Variants in HMCN1 observed in about 807,000 individuals in gnomAD.
HMCN1 encodes hemicentin 1.
Under a neutral mutation model 625.9 loss-of-function variants are expected in HMCN1, and 321 were observed. The observed-to-expected ratio is 0.51, with a 90% CI of 0.47 to 0.56. The LOEUF is 0.56. Ranked by LOEUF, HMCN1 falls within the 20% of genes least tolerant of loss-of-function variation. HMCN1 has a pLI of 0.00. For missense variants in HMCN1, 6,588 were observed against 6,887.3 expected (o/e 0.96, Z 1.54); for synonymous variants, 2,425 against 2,417.6 (o/e 1.00, Z -0.09).
In HMCN1 at chr1:186,086,381, T is replaced by A. The variant is rs1430365051; in HGVS notation, c.9020T>A (p.Leu3007Gln). The change falls in exon 58 of 107, where the codon CTG (leucine) becomes CAG (glutamine). Residue 3007 changes from leucine to glutamine, a missense_variant. Around this residue, in one of 3 missense-constraint regions of HMCN1, gnomAD observed 4,628 missense variants for 4,853.1 expected, o/e 0.95. Transcript: ENST00000271588. Reference sequence around the variant, plus strand: ...CTCAAGAATGAACAGCCCATCAAACTGAACACAAATACTCTCATTGTGCCT... The same window carrying A: ...CTCAAGAATGAACAGCCCATCAAACAGAACACAAATACTCTCATTGTGCCT... ...SWLKNEQPIK[L>Q]NTNTLIVPGG... is the part of the protein sequence containing the mutation. 1 of 1,613,244 alleles carries A rather than the reference T, an allele frequency of 6.2e-7. No homozygotes were observed.
intron 64 of HMCN1, among the ~76,000 whole-genome samples, chr1:186,092,181 A>G (rs1201825842): frequency 6.6e-6 from 1 of 151,812 alleles, no homozygotes; most frequent in Non-Finnish European, 1.5e-5. Flanking sequence ...TTTTATCTTT[A>G]TTATTCATTC....
Position 186,125,807 on chromosome 1 carries a change from G to A in HMCN1, c.12690+13G>A. 2 of 1,595,204 alleles carry A rather than the reference G, an allele frequency of 1.3e-6. No homozygotes were observed. The highest frequency in any genetic ancestry group is 1.1e-5 in the South Asian group (1 of 90,572). ...AGAAAATGTTGTGGTAAGTTTAATG[G>A]ACGTGAACAGATACATTAAGCCAGA... On this transcript the variant is annotated intron_variant, in intron 82 of 106. Coordinates refer to ENST00000271588, the MANE Select transcript of HMCN1 (RefSeq NM_031935.3).
At chr1:186,100,239 T>G (rs1024377220) in intron 68 of HMCN1, among the ~76,000 whole-genome samples, 1 of 152,164 alleles carries the variant, frequency 6.6e-6, no homozygotes, top group Non-Finnish European at 1.5e-5. Context: ...AAAACAGATT[T>G]GAAAACTGGC....
rs1414370753 is a variant in HMCN1, at chr1:185,987,431, G to T, written c.2936-1G>T. 1 of 1,602,060 alleles carries T rather than the reference G, an allele frequency of 6.2e-7. No homozygotes were observed. The highest frequency in any genetic ancestry group is 8.6e-7 in the Non-Finnish European group (1 of 1,169,030). On this transcript the variant is annotated splice_acceptor_variant, in intron 19 of 106. Coordinates refer to ENST00000271588, the MANE Select transcript of HMCN1 (RefSeq NM_031935.3). LOFTEE classifies it high-confidence loss of function. ...ATTCCAAATCCTACTTACCTTTTCA[G>T]TTCTGCCAACCATTCAGCATGGGCA... is the stretch of plus-strand genomic sequence containing the variant.
intron 11 of HMCN1, among the ~76,000 whole-genome samples, chr1:185,957,300 ATGTG>A (rs1306060500): frequency 1.3e-5 from 2 of 152,224 alleles, no homozygotes; most frequent in African/African-American, 2.4e-5. Flanking sequence ...TAGAAACAAA[ATGTG>A]AGTGAGTTTT....
chr1:186,068,865 T>C lies in HMCN1; in HGVS notation c.7880-798T>C, dbSNP rs532778098. 1.3e-4 allele frequency among the ~76,000 whole-genome samples: 11 copies of C among 82,122 alleles called. No individual in the cohort carries two copies. The East Asian group carries it at 3.4e-3, about 25-fold the overall frequency. 53.9% of individuals were successfully genotyped at this position (82,122 alleles called of 152,430 possible). A position where few individuals can be genotyped will look rare whatever the true frequency, so the allele number is the denominator to read the frequency against. On this transcript the variant is annotated intron_variant, in intron 50 of 106. Coordinates refer to ENST00000271588, the MANE Select transcript of HMCN1 (RefSeq NM_031935.3). Reference sequence around the variant, plus strand: ...GCCTGGGCAACAGAGCAAGACTCGGTCTCAAAAAAAAAAAAAAAAAAAAAA... The same window carrying C: ...GCCTGGGCAACAGAGCAAGACTCGGCCTCAAAAAAAAAAAAAAAAAAAAAA...
At chr1:186,059,750 G>A (rs1370921173) in intron 46 of HMCN1, among the ~76,000 whole-genome samples, 2 of 151,976 alleles carry the variant, frequency 1.3e-5, no homozygotes. Context: ...GAAGTTATCT[G>A]CCAGAAACAG....
rs569654340 is a variant in HMCN1 at position 185,952,238 on chromosome 1, C to T, written c.1829-10280C>T. ...TGGGCAGGAGGGGGAGGGCTAGTCA[C>T]GGAATGAAACTGTAAGCCGGACCAG... On this transcript the variant is annotated intron_variant, in intron 11 of 106. Transcript: ENST00000271588. 2.0e-5 allele frequency among the ~76,000 whole-genome samples: 3 copies of T among 151,732 alleles called. No individual in the cohort carries two copies. In the East Asian group the frequency reaches 5.8e-4, roughly 29 times the overall value.
At chr1:185,907,704 A>G (rs1452786210) in intron 4 of HMCN1, among the ~76,000 whole-genome samples, 1 of 151,982 alleles carries the variant, frequency 6.6e-6, no homozygotes, top group Non-Finnish European at 1.5e-5. Context: ...ACACTTCAGC[A>G]ATGGCTGAAA....
intron 71 of HMCN1, among the ~76,000 whole-genome samples, chr1:186,110,526 A>G (rs1660826222): frequency 6.6e-6 from 1 of 152,196 alleles, no homozygotes; most frequent in Non-Finnish European, 1.5e-5. Context: ...AGACCTGAGG[A>G]ATGGTTCTTC....
chr1:186,065,865 T>A (rs1658077215), intron 49 of HMCN1, among the ~76,000 whole-genome samples: 1 of 152,194 alleles, frequency 6.6e-6, no homozygotes, highest in South Asian at 2.1e-4. Context: ...CTGGCTTATG[T>A]CTCAGGAAAG....
At chr1:186,132,015 C>T (rs1014530488) in intron 85 of HMCN1, among the ~76,000 whole-genome samples, 2 of 151,946 alleles carry the variant, frequency 1.3e-5, no homozygotes, top group African/African-American at 2.4e-5. Flanking sequence ...AAGATAATTC[C>T]AGATAGATGA....
At chr1:186,182,344 T>C (rs1652987069) in intron 105 of HMCN1, 57 bp downstream of exon 105, 2 of 1,605,352 alleles carry the variant, frequency 1.2e-6, no homozygotes. Flanking sequence ...CAACAGAGAG[T>C]GTGAGAAGTT....
chr1:185,821,201 T>A (rs1341762263), intron 1 of HMCN1, among the ~76,000 whole-genome samples: 1 of 152,116 alleles, frequency 6.6e-6, no homozygotes, highest in Admixed American at 6.6e-5. Context: ...TTTTGGTACA[T>A]GTGCACCTCT....
At chr1:186,154,129 A>G in intron 97 of HMCN1, 142 bp downstream of exon 97, 1 of 720,050 alleles carries the variant, frequency 1.4e-6, no homozygotes, top group African/African-American at 1.8e-5. Context: ...TGTTAAGTAA[A>G]GCCCTATGGA....
chr1:185,888,492 G>A (rs1275469820), intron 4 of HMCN1, among the ~76,000 whole-genome samples: 3 of 142,806 alleles, frequency 2.1e-5, no homozygotes, highest in Non-Finnish European at 3.0e-5. Flanking sequence ...TGTATAAGGT[G>A]TAAGGAAGGG....
chr1:186,156,878 G>T (rs1361871290), intron 97 of HMCN1, among the ~76,000 whole-genome samples: 2 of 152,208 alleles, frequency 1.3e-5, no homozygotes, highest in African/African-American at 4.8e-5. Context: ...TGTTCTAGGT[G>T]TTGACAGCAT....
intron 93 of HMCN1, among the ~76,000 whole-genome samples, chr1:186,147,523 T>C (rs1321438557): frequency 6.6e-6 from 1 of 152,104 alleles, no homozygotes; most frequent in East Asian, 1.9e-4. Context: ...TAATGTAAAT[T>C]AAAATGGTAA....
rs58293393 is a variant in HMCN1, at chr1:186,003,808, C to T, written c.4439C>T (p.Thr1480Ile). 4.7e-3 allele frequency: 7,533 copies of T among 1,613,098 alleles called. 257 individuals carry two copies. In the African/African-American group the frequency reaches 0.086, roughly 18 times the overall value. Residue 1480 changes from threonine (T) to isoleucine (I), a missense_variant, in exon 29 of 107, where the codon ACT becomes ATT. Thr to Ile is a moderately conservative substitution (Grantham distance 89). Transcript: ENST00000271588. ...DVALECQVKG[T>I]PFPDIHWFKD... ...GCCCTTGAATGCCAGGTCAAAGGCACTCCCTTTCCTGATATTCATTGGTTC... is the reference window on the plus strand; with the variant it reads ...GCCCTTGAATGCCAGGTCAAAGGCATTCCCTTTCCTGATATTCATTGGTTC...
Sources: allele counts gnomAD v4.1 joint callset (sites outside exome capture counted in the v4.1 genomes callset), GRCh38; gene constraint gnomAD v4.1.1; regional missense constraint gnomAD v4.1.1; transcripts MANE v1.5; gene names NCBI Gene and HGNC (gene_info 2026-07-23, HGNC 2026-07-21).